NRG1: variants seen among roughly 807,000 people sequenced by gnomAD.
NRG1 encodes the protein neuregulin 1.
Under a neutral mutation model 63.8 loss-of-function variants are expected in NRG1, and 18 were observed. That is an observed-to-expected ratio of 0.28 (90% CI 0.19 to 0.42). The LOEUF is 0.42. Among genes scored for constraint, NRG1 ranks in the 10% least tolerant of loss-of-function variants. The pLI, the probability that NRG1 is intolerant of heterozygous loss-of-function variation, is 1.00. For synonymous variants in NRG1, 302 were observed against 301.3 expected, an observed-to-expected ratio of 1.00 and a Z score of -0.02; for missense variants, 762 against 814.7, an observed-to-expected ratio of 0.94 and a Z score of 0.79.
chr8:32,476,336 C>G (rs564265271), intron 1 of NRG1, among the ~76,000 whole-genome samples: 1 of 152,188 alleles, frequency 6.6e-6, no homozygotes, highest in African/African-American at 2.4e-5. Flanking sequence ...CCTCGTGATC[C>G]TATTTCCTTG....
At chr8:32,139,989 G>C (rs1332065583) in intron 1 of NRG1, among the ~76,000 whole-genome samples, 1 of 152,132 alleles carries the variant, frequency 6.6e-6, no homozygotes, top group Non-Finnish European at 1.5e-5. Flanking sequence ...GGAGCTATGA[G>C]TTTCAAGGCC....
Position 31,640,755 on chromosome 8 carries a change from G to T in NRG1, c.37+1324G>T, listed in dbSNP as rs780434618. On this transcript the variant is annotated intron_variant, in intron 1 of 10. Coordinates refer to the NRG1 transcript ENST00000519301. This position sits in a 1 kb window ranked among gnomAD's most constrained non-coding sequence, Gnocchi z 6.3. ...GTAAGTTCCTCGCCCTTGGGGGCGCGAACCCGCGGCGAGGAGGGCGCATCC... is the reference window on the plus strand; with the variant it reads ...GTAAGTTCCTCGCCCTTGGGGGCGCTAACCCGCGGCGAGGAGGGCGCATCC... 1 of 1,485,734 alleles carries T rather than the reference G, an allele frequency of 6.7e-7. No homozygotes were observed. The highest frequency in any genetic ancestry group is 1.3e-5 in the South Asian group (1 of 74,250). 92.0% of individuals were successfully genotyped at this position (1,485,734 alleles called of 1,614,324 possible).
At chr8:32,296,798 G>C (rs1198975345) in intron 1 of NRG1, among the ~76,000 whole-genome samples, 1 of 152,062 alleles carries the variant, frequency 6.6e-6, no homozygotes, top group Non-Finnish European at 1.5e-5. Flanking sequence ...TTTGCTTCTA[G>C]AGTTACTTTT....
chr8:32,066,560 T>A (rs924548990), intron 1 of NRG1, among the ~76,000 whole-genome samples: 1 of 152,138 alleles, frequency 6.6e-6, no homozygotes, highest in African/African-American at 2.4e-5. Flanking sequence ...TCTGTTTTGG[T>A]ACCAGTACCA....
Position 32,741,872 on chromosome 8 carries a change from GTCTTT to G in NRG1, c.633-792_633-788del. 4.9e-6 allele frequency: 3 copies of G among 611,442 alleles called. No individual in the cohort carries two copies. In the South Asian group the frequency reaches 7.2e-5, roughly 15 times the overall value. The allele number at this position is 611,442 out of a possible 1,614,324, so 37.9% of individuals were successfully genotyped here. A position where few individuals can be genotyped will look rare whatever the true frequency, so the allele number is the denominator to read the frequency against. On this transcript the variant is annotated intron_variant, in intron 6 of 11. Transcript: ENST00000356819. ...TGGGACATGGTTTTCTAAATGTTGT[GTCTTT>G]TCTTTTCTTTATATTGCTTGGTACC... is the stretch of plus-strand genomic sequence containing the variant.
intron 1 of NRG1, chr8:32,029,347 AG>A (rs1429150021): frequency 3.3e-5 from 5 of 152,360 alleles, no homozygotes; most frequent in African/African-American, 9.6e-5. Context: ...TTTCATTTAA[AG>A]ATCTCAATTG....
At chr8:32,549,084 C>T (rs4733128) in intron 1 of NRG1, among the ~76,000 whole-genome samples, 59,544 of 152,096 alleles carry the variant, frequency 0.39, 12,745 homozygotes, top group Admixed American at 0.49. Context: ...CCCAGAGTCC[C>T]GGGAGCGCTT....
At chr8:32,033,775 T>G (rs140518827) in intron 1 of NRG1, among the ~76,000 whole-genome samples, 138 of 152,338 alleles carry the variant, frequency 9.1e-4, no homozygotes, top group Non-Finnish European at 1.4e-3. Context: ...TATAGAATGC[T>G]TGTGACTTTT....
At chr8:32,446,999 T>TTTTATTTA (rs67102016) in intron 1 of NRG1, among the ~76,000 whole-genome samples, 14,293 of 146,260 alleles carry the variant, frequency 0.098, 1,405 homozygotes, top group African/African-American at 0.25. Flanking sequence ...CTAAAATACT[T>TTTTATTTA]TTTATTTATT....
chr8:32,247,363 A>C (rs1368659098), intron 1 of NRG1, among the ~76,000 whole-genome samples: 4 of 152,120 alleles, frequency 2.6e-5, no homozygotes, highest in African/African-American at 9.7e-5. Flanking sequence ...CTGCCCATAC[A>C]GATTTGTCCT....
chr8:31,732,459 C>T lies in NRG1; in HGVS notation c.37+93028C>T, dbSNP rs115117480. On this transcript the variant is annotated intron_variant, in intron 1 of 10. Coordinates refer to the NRG1 transcript ENST00000519301. ...GAACGTATACAAATGGAGAAAGATA[C>T]ATTAGGTTCCTCCATTTTAATCTAG... Among the ~76,000 whole-genome samples the T allele has an allele frequency of 3.8e-3, 574 of 152,200 alleles. 5 individuals are homozygous for T. The highest frequency in any genetic ancestry group is 0.013 in the African/African-American group (555 of 41,534).
chr8:31,947,925 A>G (rs1802844101), intron 1 of NRG1, among the ~76,000 whole-genome samples: 1 of 143,452 alleles, frequency 7.0e-6, no homozygotes, highest in Admixed American at 7.1e-5. Context: ...AGCTTGGGCT[A>G]CAGAGTGAGA....
exon 12 of NRG1, chr8:32,765,438 A>T (rs1183696232): frequency 1.3e-5 from 2 of 152,196 alleles, no homozygotes; most frequent in Non-Finnish European, 2.9e-5. Context: ...TGCTGTACAT[A>T]GCGATGACTT....
chr8:32,698,356 G>A (rs1344670656), intron 5 of NRG1, among the ~76,000 whole-genome samples: 2 of 152,108 alleles, frequency 1.3e-5, no homozygotes, highest in Non-Finnish European at 2.9e-5. Flanking sequence ...CAAGAAATAC[G>A]TATTAGTCAT....
At chr8:32,075,026 T>TA (rs1826286781) in intron 1 of NRG1, among the ~76,000 whole-genome samples, 1 of 152,210 alleles carries the variant, frequency 6.6e-6, no homozygotes, top group Non-Finnish European at 1.5e-5. Context: ...TCCTCATATG[T>TA]AAAAAAGAAA....
chr8:32,005,061 GA>G (rs1813539354), intron 1 of NRG1, among the ~76,000 whole-genome samples: 1 of 150,792 alleles, frequency 6.6e-6, no homozygotes, highest in African/African-American at 2.4e-5. Flanking sequence ...AACATATAGA[GA>G]AGGAATAGAA....
intron 1 of NRG1, among the ~76,000 whole-genome samples, chr8:32,044,252 A>G (rs1005408384): frequency 1.3e-5 from 2 of 151,976 alleles, no homozygotes; most frequent in African/African-American, 4.8e-5. Context: ...CTAAGAAGAC[A>G]TAACAACCTT....
intron 1 of NRG1, among the ~76,000 whole-genome samples, chr8:32,113,208 GC>G (rs1367742303): frequency 1.3e-5 from 2 of 152,292 alleles, no homozygotes; most frequent in Non-Finnish European, 1.5e-5. Flanking sequence ...ATTTGCACTG[GC>G]TGCTAGCTAG....
intron 1 of NRG1, among the ~76,000 whole-genome samples, chr8:31,678,045 C>A (rs1301831598): frequency 1.3e-5 from 2 of 148,332 alleles, no homozygotes; most frequent in Non-Finnish European, 3.0e-5. Context: ...AAAAAAAAAA[C>A]TACACATAAA....
Sources: gnomAD v4.1 joint callset for allele counts (sites outside exome capture counted in the v4.1 genomes callset) on GRCh38, gnomAD v4.1.1 for gene constraint, Gnocchi (gnomAD v3.1) non-coding constraint, MANE v1.5 for transcripts, NCBI Gene and HGNC (gene_info 2026-07-23, HGNC 2026-07-21) for gene names.